Variants in SPMIP3 observed in about 807,000 individuals in gnomAD.
The protein encoded by SPMIP3 is sperm microtubule inner protein 3, also known as protein SPMIP3.
the SPMIP3 span, among the ~76,000 whole-genome samples, chr1:244,363,015 T>G: frequency 1.4e-3 from 212 of 150,424 alleles, 1 homozygote; most frequent in African/African-American, 3.8e-3. Context: ...GGCTTTTTTT[T>G]TTGTTGTTGT....
chr1:244,382,035 G>T, the SPMIP3 span, among the ~76,000 whole-genome samples: 1 of 152,224 alleles, frequency 6.6e-6, no homozygotes, highest in East Asian at 1.9e-4. Flanking sequence ...TGAATACCAG[G>T]GGGCAAGAAT....
the SPMIP3 span, chr1:244,378,338 G>C: frequency 4.5e-6 from 4 of 886,808 alleles, no homozygotes; most frequent in South Asian, 5.1e-5. Context: ...TGGTCGCAGA[G>C]CTGTGGGAGT....
At chr1:244,355,737 G>A in the SPMIP3 span, among the ~76,000 whole-genome samples, 1 of 152,158 alleles carries the variant, frequency 6.6e-6, no homozygotes, top group East Asian at 1.9e-4. Context: ...GTCCTGCTGG[G>A]ATTTTGTTAA....
At chr1:244,377,008 A>T in the SPMIP3 span, among the ~76,000 whole-genome samples, 1 of 151,584 alleles carries the variant, frequency 6.6e-6, no homozygotes, top group Non-Finnish European at 1.5e-5. Context: ...GGGTTTCACC[A>T]TGTTGGCCAG....
At chr1:244,360,503 G>A in the SPMIP3 span, among the ~76,000 whole-genome samples, 3 of 127,594 alleles carry the variant, frequency 2.4e-5, no homozygotes, top group East Asian at 2.4e-4. Flanking sequence ...TAAAGAAAAC[G>A]TGATATACAC....
chr1:244,380,556 C>T, the SPMIP3 span, among the ~76,000 whole-genome samples: 2 of 152,164 alleles, frequency 1.3e-5, no homozygotes, highest in African/African-American at 4.8e-5. Context: ...AAAGCCAAGT[C>T]AGAGGCAGTT....
the SPMIP3 span, among the ~76,000 whole-genome samples, chr1:244,383,496 A>T: frequency 6.6e-6 from 1 of 152,182 alleles, no homozygotes; most frequent in African/African-American, 2.4e-5. Context: ...GCAACATAGC[A>T]AGACCCCAAC....
chr1:244,361,223 TTTTCTTTC>T, the SPMIP3 span, among the ~76,000 whole-genome samples: 1 of 106,128 alleles, frequency 9.4e-6, no homozygotes, highest in Admixed American at 1.2e-4. Flanking sequence ...CATTTCTTTT[TTTTCTTTC>T]TTTCTTTTTT....
At chr1:244,364,892 T>C in the SPMIP3 span, 1 of 939,392 alleles carries the variant, frequency 1.1e-6, no homozygotes, top group South Asian at 1.4e-5. Context: ...TCTTTGGATA[T>C]TTCCTGATGA....
chr1:244,366,243 T>C, the SPMIP3 span, among the ~76,000 whole-genome samples: 3 of 152,212 alleles, frequency 2.0e-5, no homozygotes, highest in African/African-American at 7.2e-5. Flanking sequence ...GGCTGGATCA[T>C]AGCTCAGTCC....
chr1:244,373,019 C>T, the SPMIP3 span, among the ~76,000 whole-genome samples: 1 of 152,046 alleles, frequency 6.6e-6, no homozygotes, highest in Non-Finnish European at 1.5e-5. Flanking sequence ...AGAGCTTCGT[C>T]ATGTCCCACA....
the SPMIP3 span, among the ~76,000 whole-genome samples, chr1:244,365,217 G>T: frequency 6.6e-6 from 1 of 152,352 alleles, no homozygotes; most frequent in East Asian, 1.9e-4. Context: ...AGGAACTATA[G>T]AGAAACTGGA....
the SPMIP3 span, among the ~76,000 whole-genome samples, chr1:244,387,062 G>A: frequency 6.6e-6 from 1 of 152,216 alleles, no homozygotes; most frequent in Non-Finnish European, 1.5e-5. Context: ...CCGCACTTTG[G>A]GAGGCCAAGG....
chr1:244,352,877 A>T, the SPMIP3 span: 1 of 152,240 alleles, frequency 6.6e-6, no homozygotes. Context: ...CTTTTGGTAA[A>T]GCAAAAATGT....
chr1:244,359,626 G>C, the SPMIP3 span, among the ~76,000 whole-genome samples: 1 of 152,094 alleles, frequency 6.6e-6, no homozygotes, highest in Admixed American at 6.6e-5. Context: ...GGGAGGCTGA[G>C]GCAGGAGAAT....
chr1:244,361,314 C>G, the SPMIP3 span, among the ~76,000 whole-genome samples: 57,384 of 148,586 alleles, frequency 0.39, 11,975 homozygotes, highest in Middle Eastern at 0.5. Flanking sequence ...ACTGCAACCT[C>G]TGCCTCCTGG....
chr1:244,369,811 G>A, the SPMIP3 span, among the ~76,000 whole-genome samples: 4 of 152,028 alleles, frequency 2.6e-5, no homozygotes, highest in Non-Finnish European at 4.4e-5. Flanking sequence ...GAAGCTGGCC[G>A]CCCCACCCTA....
At chr1:244,385,300 T>C in the SPMIP3 span, among the ~76,000 whole-genome samples, 1 of 152,246 alleles carries the variant, frequency 6.6e-6, no homozygotes, top group Non-Finnish European at 1.5e-5. Flanking sequence ...TAGACCATGA[T>C]AGATCATGGT....
At chr1:244,358,811 G>A in the SPMIP3 span, among the ~76,000 whole-genome samples, 2,602 of 152,178 alleles carry the variant, frequency 0.017, 75 homozygotes, top group African/African-American at 0.059. Context: ...GTGAATGGTA[G>A]GGCAAGGGCA....
Sources: allele counts gnomAD v4.1 joint callset (sites outside exome capture counted in the v4.1 genomes callset), GRCh38; gene constraint gnomAD v4.1.1; transcripts MANE v1.5; gene names NCBI Gene and HGNC (gene_info 2026-07-23, HGNC 2026-07-21).